Variants in RAB26 observed in about 807,000 individuals in gnomAD.
RAB26 encodes RAB26, member RAS oncogene family.
Under a neutral mutation model 33.1 loss-of-function variants are expected in RAB26, and 39 were observed. The ratio of observed to expected loss-of-function variants is 1.18; its 90% CI spans 0.91 to 1.54. The LOEUF (loss-of-function observed/expected upper bound fraction) is 1.54, where lower values mean the gene tolerates loss of function less well. Among genes scored for constraint, RAB26 ranks in the 40% most tolerant of loss-of-function variants. RAB26 has a pLI of 0.00. For missense variants in RAB26, 468 were observed against 362.9 expected, an observed-to-expected ratio of 1.29 and a Z score of -2.35; for synonymous variants, 192 against 151.9, an observed-to-expected ratio of 1.26 and a Z score of -1.94.
rs556712776 is a variant in RAB26 at position 2,152,831 on chromosome 16, C to T, written c.480C>T (p.Thr160=). 40 of 1,606,442 alleles carry T rather than the reference C, an allele frequency of 2.5e-5. No individual in the cohort carries two copies. The highest frequency in any genetic ancestry group is 2.4e-4 in the South Asian group (22 of 90,334). ...GCTGCCTCCCACAGGCCTGGCTGAC[C>T]GAGATCCACGAGTACGCCCAGCACG... The part of the protein sequence containing the change: ...ASFDNIQAWL[T]EIHEYAQHDV... Residue 160 remains threonine (T), a synonymous_variant, in exon 6 of 9, where the codon ACC becomes ACT. Coordinates refer to ENST00000210187, the MANE Select transcript of RAB26 (RefSeq NM_014353.5).
Position 2,148,872 on chromosome 16 carries a change from G to T in RAB26, c.89G>T (p.Arg30Leu). 7.2e-7 allele frequency: 1 copy of T among 1,392,770 alleles called. No homozygotes were observed. Among genetic ancestry groups the T allele is most frequent in the South Asian group, 1.6e-5 (1 of 62,206 alleles). The allele number at this position is 1,392,770 out of a possible 1,614,324, so 86.3% of individuals were successfully genotyped here. A position where few individuals can be genotyped will look rare whatever the true frequency, so the allele number is the denominator to read the frequency against. Residue 30 changes from arginine (R) to leucine (L), a missense_variant, in exon 1 of 9, where the codon CGC becomes CTC. Arg to Leu is a moderately radical substitution (Grantham distance 102). Transcript: ENST00000210187. ...ACCGCCAACGGGGCCCGACCGGCGC[G>T]CTCCGGGACTGCGCTTTCCGGCCCC... ...LPTANGARPARSGTALSGPDA... is the reference protein window; with the variant it reads ...LPTANGARPALSGTALSGPDA...
intron 7 of RAB26, 37 bp downstream of exon 7, chr16:2,153,082 T>G (rs938301654): frequency 6.2e-7 from 1 of 1,612,716 alleles, no homozygotes. Context: ...GGGGTGCCCC[T>G]GGAGGCTGCG....
chr16:2,151,886 A>G lies in RAB26; in HGVS notation c.446A>G (p.Lys149Arg), dbSNP rs1318041908. The stretch of plus-strand genomic sequence containing the variant: ...CTGCTGCTCTACGATGTCACCAACA[A>G]GGCCTCCTTTGACAACATCCAGGTC... ...ALLLLYDVTNKASFDNIQAWL... is the reference protein window; with the variant it reads ...ALLLLYDVTNRASFDNIQAWL... Residue 149 changes from lysine (K) to arginine (R), a missense_variant, in exon 5 of 9, where the codon AAG becomes AGG. Lys to Arg is a conservative substitution (Grantham distance 26). Transcript: ENST00000210187. The G allele has an allele frequency of 6.2e-7, 1 of 1,614,020 alleles. No homozygotes were observed. The highest frequency in any genetic ancestry group is 8.5e-7 in the Non-Finnish European group (1 of 1,180,034).
Position 2,153,347 on chromosome 16 carries a change from C to G in RAB26, c.697C>G (p.Pro233Ala), listed in dbSNP as rs760300677. The G allele has an allele frequency of 6.2e-7, 1 of 1,613,476 alleles. No homozygotes were observed. Among genetic ancestry groups the G allele is most frequent in the Admixed American group, 1.7e-5 (1 of 60,026 alleles). The change falls in exon 9 of 9, where the codon CCC (proline) becomes GCC (alanine). Residue 233 changes from proline (P) to alanine (A), a missense_variant. Transcript: ENST00000210187. Reference sequence around the variant, plus strand: ...GTTGAAGCAGCGCTCCATGAAGGCTCCCAGCGAGCCGCGCTTCCGGCTGCA... The same window carrying G: ...GTTGAAGCAGCGCTCCATGAAGGCTGCCAGCGAGCCGCGCTTCCGGCTGCA... Reference protein sequence around the residue: ...KELKQRSMKAPSEPRFRLHDY... With the variant: ...KELKQRSMKAASEPRFRLHDY...
rs78587708 is a variant in RAB26 at position 2,153,658 on chromosome 16, G to A, written c.*237G>A. On this transcript the variant is annotated 3_prime_UTR_variant, in exon 9 of 9. Transcript: ENST00000210187. ...GGAAAAGCAGTCTTCTGCACGGGAC[G>A]GGGAGCGGCAAGTGGACAGACTTTG... is the stretch of plus-strand genomic sequence containing the variant. 7.5e-4 allele frequency: 493 copies of A among 661,488 alleles called. 2 individuals are homozygous for A. In the East Asian group the frequency reaches 0.011, roughly 14 times the overall value. 41.0% of individuals were successfully genotyped at this position (661,488 alleles called of 1,614,324 possible).
chr16:2,151,962 C>G (rs2093006564), intron 5 of RAB26, 54 bp downstream of exon 5: 1 of 1,600,066 alleles, frequency 6.2e-7, no homozygotes, highest in Admixed American at 1.7e-5. Context: ...TGACCCATCC[C>G]AACCTCCTTC....
At position 2,153,791 on chromosome 16, in the gene RAB26, T is replaced by C; in HGVS notation, c.*370T>C. 2.1e-6 allele frequency: 1 copy of C among 475,332 alleles called. No homozygotes were observed. The allele number at this position is 475,332 out of a possible 1,614,324, so 29.4% of individuals were successfully genotyped here. A position where few individuals can be genotyped will look rare whatever the true frequency, so the allele number is the denominator to read the frequency against. On this transcript the variant is annotated 3_prime_UTR_variant, in exon 9 of 9. Coordinates refer to ENST00000210187, the MANE Select transcript of RAB26 (RefSeq NM_014353.5). ...GAAAAGCCATGTCTTCAGCCGCACATGCTCAGGCAGCTAAGGGAGGACGCC... is the reference window on the plus strand; with the variant it reads ...GAAAAGCCATGTCTTCAGCCGCACACGCTCAGGCAGCTAAGGGAGGACGCC...
At position 2,153,155 on chromosome 16, in the gene RAB26, C is replaced by T; in HGVS notation, c.601C>T (p.Leu201=). The part of the protein sequence containing the change: ...DGEKLAKEYG[L]PFMETSAKTG... Reference sequence around the variant, plus strand: ...CAGCAGCTGTTTACAGGAGTATGGACTGCCCTTCATGGAGACCAGCGCCAA... The same window carrying T: ...CAGCAGCTGTTTACAGGAGTATGGATTGCCCTTCATGGAGACCAGCGCCAA... The change falls in exon 8 of 9, where the codon CTG becomes TTG. Residue 201 remains leucine, a synonymous_variant. Transcript: ENST00000210187. 2 of 1,613,842 alleles carry T rather than the reference C, an allele frequency of 1.2e-6. No individual in the cohort carries two copies. The highest frequency in any genetic ancestry group is 1.7e-6 in the Non-Finnish European group (2 of 1,180,034).
rs2093017008 is a variant in RAB26 at position 2,153,992 on chromosome 16, GA to G, written c.*575del. 1 of 363,310 alleles carries G rather than the reference GA, an allele frequency of 2.8e-6. No homozygotes were observed. The highest frequency in any genetic ancestry group is 2.1e-5 in the African/African-American group (1 of 47,214). 22.5% of individuals were successfully genotyped at this position (363,310 alleles called of 1,614,324 possible). On this transcript the variant is annotated 3_prime_UTR_variant, in exon 9 of 9. Transcript: ENST00000210187. The stretch of plus-strand genomic sequence containing the variant: ...TTGTGATAAAATGTGGGAAATCACA[GA>G]AAACACCAGAAACAACAACTGCCAG...
In RAB26 at chr16:2,148,821, G is replaced by A; in HGVS notation, c.38G>A (p.Ser13Asn). Residue 13 changes from serine to asparagine, a missense_variant, in exon 1 of 9, where the codon AGC becomes AAC. By Grantham distance (46) the Ser-to-Asn change is conservative. Transcript: ENST00000210187. ...AAGACCCCCAAGAGCAAAGGGGCCA[G>A]CACCCCCGCTGCCTCCACGCTGCCC... is the stretch of plus-strand genomic sequence containing the variant. The part of the protein sequence containing the change: ...RKKTPKSKGA[S>N]TPAASTLPTA... The A allele has an allele frequency of 1.4e-6, 2 of 1,415,146 alleles. No homozygotes were observed. Among genetic ancestry groups the A allele is most frequent in the Admixed American group, 2.9e-5 (1 of 34,774 alleles). 87.7% of individuals were successfully genotyped at this position (1,415,146 alleles called of 1,614,324 possible).
chr16:2,150,771 C>A (rs1395559013), intron 2 of RAB26, among the ~76,000 whole-genome samples: 1 of 152,234 alleles, frequency 6.6e-6, no homozygotes, highest in Non-Finnish European at 1.5e-5. Flanking sequence ...ATTTGGTTCG[C>A]ACTCTCGTTC....
chr16:2,153,220 A>T lies in RAB26; in HGVS notation c.666A>T (p.Ala222=), dbSNP rs751250523. ...LNVDLAFTAI[A]KELKQRSMKA... ...TGGACTTGGCCTTCACAGCCATAGC[A>T]AAGTAAGTCCTGCCAGTCACCAGGA... Residue 222 remains alanine, a splice_region_variant and synonymous_variant, in exon 8 of 9, where the codon GCA becomes GCT. Transcript: ENST00000210187. 17 of 1,613,700 alleles carry T rather than the reference A, an allele frequency of 1.1e-5. No individual in the cohort carries two copies. In the South Asian group the frequency reaches 1.6e-4, roughly 16 times the overall value.
chr16:2,149,303 C>CTTTTT (rs756125935), intron 1 of RAB26, among the ~76,000 whole-genome samples: 1 of 116,022 alleles, frequency 8.6e-6, no homozygotes, highest in African/African-American at 3.7e-5. Flanking sequence ...GGCTGTGGGC[C>CTTTTT]TTTTTTTTTT....
At position 2,151,855 on chromosome 16, in the gene RAB26, G is replaced by A. The variant is rs1485238593; in HGVS notation, c.416-1G>A. 1 of 1,614,164 alleles carries A rather than the reference G, an allele frequency of 6.2e-7. No individual in the cohort carries two copies. Among genetic ancestry groups the A allele is most frequent in the Non-Finnish European group, 8.5e-7 (1 of 1,180,032 alleles). On this transcript the variant is annotated splice_acceptor_variant, in intron 4 of 8. Transcript: ENST00000210187. LOFTEE classifies it high-confidence loss of function. ...ATGTCCTCACTGCCCTCTGTCCCCA[G>A]CTCTGCTGCTGCTCTACGATGTCAC...
intron 5 of RAB26, 152 bp from the exon 6 acceptor site, chr16:2,152,668 G>A (rs1013876557): frequency 1.6e-6 from 1 of 641,652 alleles, no homozygotes; most frequent in Non-Finnish European, 2.5e-6. Flanking sequence ...ACTCCAGCCT[G>A]GGAAACAGGG....
intron 2 of RAB26, among the ~76,000 whole-genome samples, chr16:2,150,327 C>T (rs184877146): frequency 2.0e-5 from 3 of 152,314 alleles, no homozygotes; most frequent in African/African-American, 7.2e-5. Flanking sequence ...TCAAGGGCCA[C>T]GTCCACTTGG....
chr16:2,151,143 T>C lies in RAB26; in HGVS notation c.307-426T>C, dbSNP rs546343774. On this transcript the variant is annotated intron_variant, in intron 2 of 8. Coordinates refer to ENST00000210187, the MANE Select transcript of RAB26 (RefSeq NM_014353.5). The stretch of plus-strand genomic sequence containing the variant: ...ATTCTTTTGAAGCAGGGTCTCACTC[T>C]GTCGCCCTGGCTGGAGTGCAGTGGT... 47 of 455,194 alleles carry C rather than the reference T, an allele frequency of 1.0e-4. 1 individual carries two copies. In the East Asian group the frequency reaches 3.0e-3, roughly 29 times the overall value. 28.2% of individuals were successfully genotyped at this position (455,194 alleles called of 1,614,324 possible).
At chr16:2,151,045 C>T (rs1355526545) in intron 2 of RAB26, 2 of 351,886 alleles carry the variant, frequency 5.7e-6, no homozygotes, top group East Asian at 7.8e-5. Context: ...CTGGGATCTG[C>T]GGTTACTGCC....
rs527749237 is a variant in RAB26 at position 2,153,747 on chromosome 16, C to G, written c.*326C>G. The stretch of plus-strand genomic sequence containing the variant: ...TGAGGGAGGGCTGGGGCTGGCACCA[C>G]GCACAGTGCCTAACCCTAGAAAAGC... On this transcript the variant is annotated 3_prime_UTR_variant, in exon 9 of 9. Transcript: ENST00000210187. 9 of 537,214 alleles carry G rather than the reference C, an allele frequency of 1.7e-5. No homozygotes were observed. Among genetic ancestry groups the G allele is most frequent in the South Asian group, 6.1e-5 (4 of 65,272 alleles). 33.3% of individuals were successfully genotyped at this position (537,214 alleles called of 1,614,324 possible).
Sources: allele counts gnomAD v4.1 joint callset (sites outside exome capture counted in the v4.1 genomes callset), GRCh38; gene constraint gnomAD v4.1.1; transcripts MANE v1.5; gene names NCBI Gene and HGNC (gene_info 2026-07-23, HGNC 2026-07-21).